OR1L8: variants seen among roughly 807,000 people sequenced by gnomAD.
OR1L8 encodes the protein olfactory receptor family 1 subfamily L member 8.
For missense variants in OR1L8, 330 were observed against 377.4 expected (o/e 0.87, Z 1.04); for synonymous variants, 148 against 147.0 (o/e 1.01, Z -0.05).
chr9:122,554,252 AG>A, the OR1L8 span: 2 of 977,454 alleles, frequency 2.0e-6, no homozygotes. Flanking sequence ...TGTTGATATT[AG>A]GGGAAGGTTA....
chr9:122,572,613 C>T (rs189585889), intron 4 of OR1L8, among the ~76,000 whole-genome samples, 167 bp downstream of exon 4: 1 of 150,792 alleles, frequency 6.6e-6, no homozygotes, highest in African/African-American at 2.4e-5. Context: ...TTTTGCTGCT[C>T]TCAAAGCATG....
intron 3 of OR1L8, among the ~76,000 whole-genome samples, chr9:122,574,552 C>G (rs775947908): frequency 6.6e-6 from 1 of 152,084 alleles, no homozygotes; most frequent in Non-Finnish European, 1.5e-5. Context: ...ATTTTGCACT[C>G]TTGCTGTAAT....
chr9:122,550,889 G>T, the OR1L8 span, among the ~76,000 whole-genome samples: 1 of 151,420 alleles, frequency 6.6e-6, no homozygotes, highest in African/African-American at 2.4e-5. Flanking sequence ...GATACTGGAA[G>T]TCTTAACTGG....
the OR1L8 span, among the ~76,000 whole-genome samples, chr9:122,552,749 AGTGTGTGTGTGTGT>A: frequency 5.9e-4 from 77 of 129,756 alleles, no homozygotes; most frequent in South Asian, 2.3e-3. Context: ...AGAGGGCTTG[AGTGTGTGTGTGTGT>A]GTGTGTGTGT....
At chr9:122,577,694 A>G (rs1336981836) in intron 2 of OR1L8, among the ~76,000 whole-genome samples, 1 of 152,252 alleles carries the variant, frequency 6.6e-6, no homozygotes, top group Admixed American at 6.5e-5. Flanking sequence ...AATGTAAAGT[A>G]TCACAATAAC....
chr9:122,552,845 T>C, the OR1L8 span, among the ~76,000 whole-genome samples: 1 of 151,014 alleles, frequency 6.6e-6, no homozygotes, highest in Non-Finnish European at 1.5e-5. Flanking sequence ...TTCTTTCCAA[T>C]TGACAATAAC....
chr9:122,582,977 CAGAG>C (rs1006881617), intron 1 of OR1L8, among the ~76,000 whole-genome samples: 1 of 151,650 alleles, frequency 6.6e-6, no homozygotes, highest in Non-Finnish European at 1.5e-5. Context: ...TAGATTATAG[CAGAG>C]AGAGAATATA....
chr9:122,571,346 T>C (rs1828598734), intron 4 of OR1L8, among the ~76,000 whole-genome samples: 1 of 151,496 alleles, frequency 6.6e-6, no homozygotes, highest in African/African-American at 2.4e-5. Context: ...GGTCAGGAGA[T>C]TGGGTGCATC....
At chr9:122,551,761 G>A in the OR1L8 span, among the ~76,000 whole-genome samples, 19 of 152,012 alleles carry the variant, frequency 1.2e-4, no homozygotes, top group African/African-American at 4.3e-4. Flanking sequence ...CGACCTTAAC[G>A]AGCACATTGG....
intron 1 of OR1L8, among the ~76,000 whole-genome samples, chr9:122,581,298 G>A (rs937151273): frequency 6.6e-6 from 1 of 151,998 alleles, no homozygotes; most frequent in Non-Finnish European, 1.5e-5. Context: ...CCCAGGAGGC[G>A]GCGGTTGTAG....
At chr9:122,568,793 C>G (rs111288841) in intron 4 of OR1L8, 104 bp from the exon 5 acceptor site, 1 of 232,904 alleles carries the variant, frequency 4.3e-6, no homozygotes, top group Non-Finnish European at 8.3e-6. Context: ...ATTCACCTGC[C>G]GGGGACATAG....
At chr9:122,564,640 C>T (rs935412513), downstream of OR1L8, among the ~76,000 whole-genome samples, 4 of 152,194 alleles carry the variant, frequency 2.6e-5, no homozygotes, top group African/African-American at 9.7e-5. Flanking sequence ...TTATCATAAG[C>T]TTCACCAAGC....
At chr9:122,547,914 C>T in the OR1L8 span, among the ~76,000 whole-genome samples, 3 of 152,002 alleles carry the variant, frequency 2.0e-5, no homozygotes, top group East Asian at 1.9e-4. Context: ...ACCAACATTG[C>T]GTTAAGTATT....
At chr9:122,553,121 C>G in the OR1L8 span, 2 of 1,336,806 alleles carry the variant, frequency 1.5e-6, no homozygotes, top group Middle Eastern at 3.8e-4. Flanking sequence ...ACAGTTCTGG[C>G]CACACAGATG....
At chr9:122,572,120 G>A (rs1829564917) in intron 4 of OR1L8, among the ~76,000 whole-genome samples, 1 of 152,156 alleles carries the variant, frequency 6.6e-6, no homozygotes, top group African/African-American at 2.4e-5. Flanking sequence ...AGTAGATCTT[G>A]TGAAAACTCA....
chr9:122,579,930 A>G (rs2050898), intron 1 of OR1L8, among the ~76,000 whole-genome samples: 20,687 of 152,102 alleles, frequency 0.14, 1,524 homozygotes, highest in Middle Eastern at 0.2. Context: ...GACCCACCTA[A>G]AGTACTTCTC....
chr9:122,550,625 A>G, the OR1L8 span, among the ~76,000 whole-genome samples: 2 of 152,114 alleles, frequency 1.3e-5, no homozygotes, highest in Admixed American at 6.5e-5. Flanking sequence ...GATTCACCAC[A>G]TAAACAGAAT....
At chr9:122,576,217 T>TTTTAC (rs1272952980) in intron 3 of OR1L8, among the ~76,000 whole-genome samples, 1 of 151,224 alleles carries the variant, frequency 6.6e-6, no homozygotes, top group Non-Finnish European at 1.5e-5. Flanking sequence ...ACATTTTCTT[T>TTTTAC]TTTACATTTT....
chr9:122,576,184 A>G (rs987187098), intron 3 of OR1L8, among the ~76,000 whole-genome samples: 1 of 151,998 alleles, frequency 6.6e-6, no homozygotes, highest in Non-Finnish European at 1.5e-5. Flanking sequence ...ATATACATAT[A>G]TATGTATGTA....
Sources: gnomAD v4.1 joint callset for allele counts (sites outside exome capture counted in the v4.1 genomes callset) on GRCh38, gnomAD v4.1.1 for gene constraint, MANE v1.5 for transcripts, NCBI Gene and HGNC (gene_info 2026-07-23, HGNC 2026-07-21) for gene names.